The following CACNA1E variants were observed in gnomAD, a reference collection of about 807,000 sequenced individuals.
The protein encoded by CACNA1E is calcium voltage-gated channel subunit alpha1 E.
CACNA1E carries 40 observed loss-of-function variants against 259.2 expected under a neutral mutation model. The ratio of observed to expected loss-of-function variants is 0.15; its 90% CI spans 0.12 to 0.20. The LOEUF is 0.20. Ranked by LOEUF, CACNA1E falls within the 10% of genes least tolerant of loss-of-function variation. The probability of loss-of-function intolerance (pLI) is 1.00; values close to 1 mark genes in which losing one functional copy is unlikely to be tolerated. For synonymous variants in CACNA1E, 1,104 were observed against 1,138.5 expected (o/e 0.97, Z 0.61); for missense variants, 1,874 against 3,040.1 (o/e 0.62, Z 9.02).
intron 3 of CACNA1E, among the ~76,000 whole-genome samples, chr1:181,574,634 CAG>C (rs749553737): frequency 6.6e-6 from 1 of 152,116 alleles, no homozygotes; most frequent in Non-Finnish European, 1.5e-5. Flanking sequence ...GATGAGAAAA[CAG>C]AATTTCTCTA....
chr1:181,503,582 C>T (rs1665450099), intron 1 of CACNA1E, among the ~76,000 whole-genome samples: 1 of 152,214 alleles, frequency 6.6e-6, no homozygotes, highest in African/African-American at 2.4e-5. Context: ...GCCAGCCAGC[C>T]CACTCCTGAG....
At chr1:181,319,676 G>T (rs1332586861) in intron 1 of CACNA1E, among the ~76,000 whole-genome samples, 1 of 152,200 alleles carries the variant, frequency 6.6e-6, no homozygotes, top group Admixed American at 6.5e-5. Context: ...AGTGGACAGA[G>T]ATGTTGGTAA....
At chr1:181,553,038 A>T (rs186289814) in intron 3 of CACNA1E, among the ~76,000 whole-genome samples, 1 of 152,360 alleles carries the variant, frequency 6.6e-6, no homozygotes, top group Admixed American at 6.5e-5. Context: ...TCTGTGAAGA[A>T]TGTCAATGGT....
chr1:181,716,001 C>T lies in CACNA1E; in HGVS notation c.1226-39C>T, dbSNP rs945438203. 2.7e-5 allele frequency: 38 copies of T among 1,428,066 alleles called. No individual in the cohort carries two copies. In the African/African-American group the frequency reaches 5.1e-4, roughly 19 times the overall value. 88.5% of individuals were successfully genotyped at this position (1,428,066 alleles called of 1,614,324 possible). A position where few individuals can be genotyped will look rare whatever the true frequency, so the allele number is the denominator to read the frequency against. Reference sequence around the variant, plus strand: ...TTTTGTCCAGAATGGTCTGGGTGTACTTGTGGCCTCTCACTGGTCTTCCCT... The same window carrying T: ...TTTTGTCCAGAATGGTCTGGGTGTATTTGTGGCCTCTCACTGGTCTTCCCT... On this transcript the variant is annotated intron_variant, in intron 9 of 47. Coordinates refer to ENST00000367573, the MANE Select transcript of CACNA1E (RefSeq NM_001205293.3).
intron 7 of CACNA1E, among the ~76,000 whole-genome samples, chr1:181,697,620 A>G (rs966606252): frequency 6.6e-6 from 1 of 152,260 alleles, no homozygotes. Context: ...ATACTTTTGT[A>G]AAATGCATTT....
intron 1 of CACNA1E, among the ~76,000 whole-genome samples, chr1:181,508,498 G>C (rs968310562): frequency 1.3e-5 from 2 of 152,186 alleles, no homozygotes; most frequent in African/African-American, 4.8e-5. Context: ...GATGAGTCTG[G>C]GATTCCGGGT....
At chr1:181,391,249 G>C (rs1047841116) in intron 1 of CACNA1E, among the ~76,000 whole-genome samples, 4 of 152,198 alleles carry the variant, frequency 2.6e-5, no homozygotes, top group African/African-American at 9.7e-5. Context: ...GCAGCAGCCA[G>C]AGTAATCTTT....
At chr1:181,347,059 T>A (rs1407849416) in intron 1 of CACNA1E, among the ~76,000 whole-genome samples, 1 of 152,116 alleles carries the variant, frequency 6.6e-6, no homozygotes, top group Admixed American at 6.5e-5. Flanking sequence ...AAACATCTCA[T>A]CTCAGCACTG....
At chr1:181,683,415 T>C (rs755190978) in intron 7 of CACNA1E, among the ~76,000 whole-genome samples, 7 of 152,362 alleles carry the variant, frequency 4.6e-5, no homozygotes, top group Middle Eastern at 3.4e-3. Context: ...TAAGAGACTT[T>C]TTTAAGATCA....
intron 8 of CACNA1E, 75 bp from the exon 9 acceptor site, chr1:181,715,263 T>A (rs1653779165): frequency 1.1e-6 from 1 of 873,664 alleles, no homozygotes. Flanking sequence ...GCTGAAGTTG[T>A]CCCTGAGGGA....
chr1:181,492,687 C>T (rs576233245), intron 1 of CACNA1E, among the ~76,000 whole-genome samples: 4 of 152,314 alleles, frequency 2.6e-5, no homozygotes, highest in African/African-American at 9.6e-5. Flanking sequence ...AAATGAACCA[C>T]CAAGATTTCC....
At chr1:181,738,553 C>T (rs1295706684) in intron 24 of CACNA1E, 127 bp downstream of exon 24, 12 of 748,638 alleles carry the variant, frequency 1.6e-5, no homozygotes, top group East Asian at 2.4e-5. Flanking sequence ...GAGCTTCTGC[C>T]GCCCCTTCTC....
At chr1:181,516,304 A>G (rs1483445169) in intron 3 of CACNA1E, among the ~76,000 whole-genome samples, 1 of 151,544 alleles carries the variant, frequency 6.6e-6, no homozygotes, top group African/African-American at 2.4e-5. Context: ...CGTTTACCAT[A>G]TAATAAAAAT....
chr1:181,453,782 C>A (rs1415630910), intron 2 of CACNA1E, among the ~76,000 whole-genome samples: 1 of 152,166 alleles, frequency 6.6e-6, no homozygotes, highest in Non-Finnish European at 1.5e-5. Flanking sequence ...GAGCTGTGGG[C>A]TCCAGAGGAA....
intron 25 of CACNA1E, among the ~76,000 whole-genome samples, chr1:181,747,847 G>A (rs981102904): frequency 3.3e-5 from 5 of 152,160 alleles, no homozygotes; most frequent in Non-Finnish European, 5.9e-5. Flanking sequence ...AATCACTCTT[G>A]TATGTATGGA....
intron 2 of CACNA1E, among the ~76,000 whole-genome samples, chr1:181,421,406 C>G (rs937967256): frequency 2.6e-5 from 4 of 152,162 alleles, no homozygotes; most frequent in African/African-American, 9.7e-5. Context: ...TATTCTGGGC[C>G]TCTTCTCTGC....
intron 1 of CACNA1E, among the ~76,000 whole-genome samples, chr1:181,358,828 T>C (rs1281083736): frequency 1.3e-5 from 2 of 152,220 alleles, no homozygotes; most frequent in Non-Finnish European, 2.9e-5. Flanking sequence ...CCCATATGTT[T>C]TTCCTCAAAT....
At chr1:181,365,861 C>T (rs1261518259) in intron 1 of CACNA1E, among the ~76,000 whole-genome samples, 3 of 152,224 alleles carry the variant, frequency 2.0e-5, no homozygotes, top group Non-Finnish European at 2.9e-5. Flanking sequence ...AGCATCCTCA[C>T]AGAGGAAGTG....
intron 1 of CACNA1E, among the ~76,000 whole-genome samples, chr1:181,412,897 G>C (rs1326435028): frequency 2.0e-5 from 3 of 152,194 alleles, no homozygotes; most frequent in African/African-American, 7.2e-5. Flanking sequence ...ACACCTGGGG[G>C]CCCAGCCTGG....
Sources: gnomAD v4.1 joint callset for allele counts (sites outside exome capture counted in the v4.1 genomes callset) on GRCh38, gnomAD v4.1.1 for gene constraint, MANE v1.5 for transcripts, NCBI Gene and HGNC (gene_info 2026-07-23, HGNC 2026-07-21) for gene names.